Variants in MYO6 observed in about 807,000 individuals in gnomAD.
The protein encoded by MYO6 is unconventional myosin-VI.
Under a neutral mutation model 178.7 loss-of-function variants are expected in MYO6, and 74 were observed. The ratio of observed to expected loss-of-function variants is 0.41; its 90% confidence interval spans 0.34 to 0.50. MYO6 has a LOEUF of 0.50. Ranked by LOEUF, MYO6 falls within the 20% of genes least tolerant of loss-of-function variation. The pLI, the probability that MYO6 is intolerant of heterozygous loss-of-function variation, is 0.09. For missense variants in MYO6, 1,330 were observed against 1,547.4 expected, an observed-to-expected ratio of 0.86 and a Z score of 2.36; for synonymous variants, 477 against 504.6, an observed-to-expected ratio of 0.95 and a Z score of 0.73.
intron 1 of MYO6, 141 bp from the exon 2 acceptor site, chr6:75,817,360 A>G (rs1583176619): frequency 1.7e-6 from 1 of 583,968 alleles, no homozygotes. Context: ...GAGGCAAGGG[A>G]GGAGGTGGGG....
intron 10 of MYO6, among the ~76,000 whole-genome samples, chr6:75,846,352 C>G (rs1016055733): frequency 1.1e-4 from 16 of 151,888 alleles, no homozygotes; most frequent in African/African-American, 3.6e-4. Flanking sequence ...GTTTTTAATG[C>G]TTCTACATTT....
At chr6:75,836,228 A>G (rs551982543) in intron 7 of MYO6, among the ~76,000 whole-genome samples, 8 of 152,360 alleles carry the variant, frequency 5.3e-5, no homozygotes, top group African/African-American at 1.9e-4. Flanking sequence ...TGTTGAATGA[A>G]TGAAAGAATA....
intron 11 of MYO6, among the ~76,000 whole-genome samples, chr6:75,851,770 G>A (rs998169073): frequency 6.6e-6 from 1 of 152,090 alleles, no homozygotes; most frequent in African/African-American, 2.4e-5. Context: ...GAGCCCTGGC[G>A]GTCGAGGCTG....
At chr6:75,914,364 T>C in intron 34 of MYO6, 83 bp downstream of exon 34, 1 of 1,333,994 alleles carries the variant, frequency 7.5e-7, no homozygotes, top group Non-Finnish European at 1.1e-6. Context: ...ATGTATAATA[T>C]AATAATTTAT....
At chr6:75,885,782 G>A (rs1439216866) in intron 23 of MYO6, among the ~76,000 whole-genome samples, 1 of 152,078 alleles carries the variant, frequency 6.6e-6, no homozygotes, top group Non-Finnish European at 1.5e-5. Flanking sequence ...AGGTTGCAAT[G>A]AGCCAAGATC....
At position 75,915,066 on chromosome 6, in the gene MYO6, G is replaced by A. The variant is rs1298694865; in HGVS notation, c.*54G>A. On this transcript the variant is annotated 3_prime_UTR_variant, in exon 35 of 35. Transcript: ENST00000369977. ...GCCTTTGCCATGGTACTTAGGTAGG[G>A]TGTGTGCCCCCAGATTTAACCATTC... The A allele has an allele frequency of 6.6e-7, 1 of 1,506,906 alleles. No individual in the cohort carries two copies. The highest frequency in any genetic ancestry group is 1.9e-5 in the Admixed American group (1 of 53,440). 93.3% of individuals were successfully genotyped at this position (1,506,906 alleles called of 1,614,324 possible).
At chr6:75,821,314 G>A (rs1230789399) in intron 2 of MYO6, among the ~76,000 whole-genome samples, 1 of 152,194 alleles carries the variant, frequency 6.6e-6, no homozygotes, top group Non-Finnish European at 1.5e-5. Context: ...TGCCATGGCT[G>A]TGAAAGTTGG....
intron 1 of MYO6, among the ~76,000 whole-genome samples, chr6:75,805,021 A>ATATATATATATTTTTTTTT (rs1252912172): frequency 3.9e-5 from 3 of 77,310 alleles, no homozygotes; most frequent in African/African-American, 2.0e-4. Context: ...ATATATATAT[A>ATATATATATATTTTTTTTT]TTTTTTTTTT....
At chr6:75,802,329 C>T (rs955959530) in intron 1 of MYO6, among the ~76,000 whole-genome samples, 8 of 151,630 alleles carry the variant, frequency 5.3e-5, no homozygotes, top group South Asian at 2.1e-4. Context: ...ATTAGCTGGG[C>T]GTGGTAGCGC....
In MYO6 at chr6:75,914,994, G is replaced by A. The variant is rs1257266201; in HGVS notation, c.3840G>A (p.Leu1280=). The A allele has an allele frequency of 6.2e-7, 1 of 1,613,000 alleles. No homozygotes were observed. Among genetic ancestry groups the A allele is most frequent in the Admixed American group, 1.7e-5 (1 of 59,940 alleles). Residue 1280 remains leucine (L), a synonymous_variant, in exon 35 of 35, where the codon CTG becomes CTA. Transcript: ENST00000369977. ...QARPTYATAM[L]QSLLK ...GGCCCACCTATGCAACAGCCATGCTGCAGAGTCTGTTAAAGTAGATGTTGC... is the reference window on the plus strand; with the variant it reads ...GGCCCACCTATGCAACAGCCATGCTACAGAGTCTGTTAAAGTAGATGTTGC...
intron 9 of MYO6, among the ~76,000 whole-genome samples, chr6:75,842,741 A>G (rs1243517713): frequency 6.6e-6 from 1 of 152,210 alleles, no homozygotes; most frequent in East Asian, 1.9e-4. Flanking sequence ...TACATGAAAT[A>G]TAATAATGAT....
intron 30 of MYO6, among the ~76,000 whole-genome samples, chr6:75,900,951 T>C (rs894261251): frequency 6.7e-6 from 1 of 149,990 alleles, no homozygotes; most frequent in African/African-American, 2.4e-5. Context: ...TTTCTACATA[T>C]GACTAGCCAG....
intron 29 of MYO6, among the ~76,000 whole-genome samples, chr6:75,896,676 A>G (rs1779336965): frequency 1.3e-5 from 2 of 152,210 alleles, no homozygotes; most frequent in African/African-American, 2.4e-5. Flanking sequence ...TAAATGGGGC[A>G]TGGAGTAGTT....
intron 25 of MYO6, among the ~76,000 whole-genome samples, chr6:75,888,034 A>G (rs1778599819): frequency 6.6e-6 from 1 of 151,780 alleles, no homozygotes; most frequent in Non-Finnish European, 1.5e-5. Context: ...TCCTGCCTGT[A>G]ATCCCAGCAC....
chr6:75,915,317 T>C lies in MYO6; in HGVS notation c.*305T>C, dbSNP rs1050868572. 4.4e-5 allele frequency: 18 copies of C among 404,704 alleles called. No individual in the cohort carries two copies. Among genetic ancestry groups the C allele is most frequent in the Admixed American group, 3.9e-5 (1 of 25,804 alleles). The allele number at this position is 404,704 out of a possible 1,614,324, so 25.1% of individuals were successfully genotyped here. On this transcript the variant is annotated 3_prime_UTR_variant, in exon 35 of 35. Coordinates refer to ENST00000369977, the MANE Select transcript of MYO6 (RefSeq NM_004999.4). ...GAAGACTACCTTACATCCATCGTAATTGTTCTCTAGGAAAAGAGAACTTTT... is the reference window on the plus strand; with the variant it reads ...GAAGACTACCTTACATCCATCGTAACTGTTCTCTAGGAAAAGAGAACTTTT...
intron 28 of MYO6, 94 bp from the exon 29 acceptor site, chr6:75,895,137 A>G (rs1383820315): frequency 1.3e-5 from 12 of 918,914 alleles, no homozygotes; most frequent in East Asian, 7.5e-5. Context: ...TTTAAAATCA[A>G]TGAGTAAAGT....
chr6:75,758,459 TTTTGTTTG>T (rs1181118549), intron 1 of MYO6, among the ~76,000 whole-genome samples: 2 of 151,896 alleles, frequency 1.3e-5, no homozygotes, highest in African/African-American at 2.4e-5. Context: ...TGTTTCAGCT[TTTTGTTTG>T]TTTGTTTGTT....
At chr6:75,870,820 A>G in intron 19 of MYO6, 135 bp downstream of exon 19, 1 of 687,978 alleles carries the variant, frequency 1.5e-6, no homozygotes, top group Non-Finnish European at 2.3e-6. Context: ...TTAAAAAATT[A>G]GTTTTTTTTC....
chr6:75,801,025 A>C (rs1769397529), intron 1 of MYO6, among the ~76,000 whole-genome samples: 1 of 152,046 alleles, frequency 6.6e-6, no homozygotes, highest in African/African-American at 2.4e-5. Flanking sequence ...GCCTGGCCAC[A>C]TGGGGCGTTA....
Sources: gnomAD v4.1 joint callset for allele counts (sites outside exome capture counted in the v4.1 genomes callset) on GRCh38, gnomAD v4.1.1 for gene constraint, MANE v1.5 for transcripts, NCBI Gene and HGNC (gene_info 2026-07-23, HGNC 2026-07-21) for gene names.